SLTM: variants seen among roughly 807,000 people sequenced by gnomAD.
SLTM encodes SAFB-like transcription modulator.
Under a neutral mutation model 134.6 loss-of-function variants are expected in SLTM, and 43 were observed. The ratio of observed to expected loss-of-function variants is 0.32; its 90% CI spans 0.25 to 0.41. The LOEUF (loss-of-function observed/expected upper bound fraction) is 0.41, where lower values mean the gene tolerates loss of function less well. Among genes scored for constraint, SLTM ranks in the 10% least tolerant of loss-of-function variants. SLTM has a pLI of 1.00. For missense variants in SLTM, 1,055 were observed against 1,288.8 expected, an observed-to-expected ratio of 0.82 and a Z score of 2.78; for synonymous variants, 424 against 432.3, an observed-to-expected ratio of 0.98 and a Z score of 0.24.
chr15:58,907,546 A>T (rs1490109410), intron 5 of SLTM, among the ~76,000 whole-genome samples: 1 of 152,168 alleles, frequency 6.6e-6, no homozygotes, highest in Non-Finnish European at 1.5e-5. Context: ...ACTTGAGCCC[A>T]GGAGGTCAAG....
At chr15:58,898,985 G>C (rs767360641) in intron 7 of SLTM, 133 bp from the exon 8 acceptor site, 17 of 610,828 alleles carry the variant, frequency 2.8e-5, no homozygotes, top group Non-Finnish European at 3.9e-5. Flanking sequence ...GCCTAGATTA[G>C]GTTATTTGAA....
At chr15:58,896,494 G>A (rs2035088160) in intron 9 of SLTM, among the ~76,000 whole-genome samples, 1 of 152,050 alleles carries the variant, frequency 6.6e-6, no homozygotes, top group Non-Finnish European at 1.5e-5. Flanking sequence ...TTGGGAGGCA[G>A]AGGTCGCAGT....
At position 58,883,737 on chromosome 15, in the gene SLTM, C is replaced by G; in HGVS notation, c.2885G>C (p.Ser962Thr). ...HVVERHGRDT[S>T]GPRKEWHGPP... ...ACCATGCCACTCTTTCCTTGGTCCG[C>G]TTGTGTCCCGTCCATGGCGTTCAAC... The change falls in exon 20 of 21, where the codon AGC (serine) becomes ACC (threonine). Residue 962 changes from serine to threonine, a missense_variant. This residue lies in a region of SLTM where 776 missense variants were observed against 962.2 expected (regional missense o/e 0.81). Coordinates refer to ENST00000380516, the MANE Select transcript of SLTM (RefSeq NM_024755.4). 1 of 1,614,140 alleles carries G rather than the reference C, an allele frequency of 6.2e-7. No homozygotes were observed. Among genetic ancestry groups the G allele is most frequent in the Non-Finnish European group, 8.5e-7 (1 of 1,180,026 alleles).
intron 14 of SLTM, among the ~76,000 whole-genome samples, chr15:58,891,806 A>G (rs1008304319): frequency 3.9e-5 from 6 of 152,128 alleles, no homozygotes; most frequent in Non-Finnish European, 8.8e-5. Context: ...TTGTTAGTAT[A>G]GCTTAAGTAT....
At chr15:58,904,837 A>C (rs2035759011) in intron 5 of SLTM, among the ~76,000 whole-genome samples, 1 of 152,116 alleles carries the variant, frequency 6.6e-6, no homozygotes, top group African/African-American at 2.4e-5. Context: ...CAGCCTCCCA[A>C]GTAGCTGGGA....
At chr15:58,882,455 C>G (rs1003909375) in intron 20 of SLTM, among the ~76,000 whole-genome samples, 2 of 152,124 alleles carry the variant, frequency 1.3e-5, no homozygotes, top group Non-Finnish European at 2.9e-5. Flanking sequence ...CGGGAAGGAG[C>G]CTGCAAAGGC....
chr15:58,929,675 C>T (rs1194401713), intron 2 of SLTM, among the ~76,000 whole-genome samples: 6 of 152,138 alleles, frequency 3.9e-5, no homozygotes, highest in Non-Finnish European at 8.8e-5. Context: ...ATCCTCCCAC[C>T]TTGGCCTTTT....
intron 15 of SLTM, 78 bp from the exon 16 acceptor site, chr15:58,889,632 A>G (rs2080343256): frequency 6.4e-7 from 1 of 1,560,236 alleles, no homozygotes; most frequent in African/African-American, 1.4e-5. Flanking sequence ...CCTTGTTTTA[A>G]TCCTGTTGCT....
intron 19 of SLTM, among the ~76,000 whole-genome samples, chr15:58,885,313 A>G (rs1021785043): frequency 6.6e-6 from 1 of 152,234 alleles, no homozygotes; most frequent in Non-Finnish European, 1.5e-5. Flanking sequence ...AGAGGCTTAG[A>G]TATAATACTG....
At chr15:58,901,173 A>G in intron 6 of SLTM, 87 bp downstream of exon 6, 3 of 1,015,524 alleles carry the variant, frequency 3.0e-6, no homozygotes, top group Non-Finnish European at 4.5e-6. Context: ...TAATTTCAAA[A>G]ATAAGATTTC....
rs752664945 is a variant in SLTM, at chr15:58,897,210, TACC to T, written c.1129_1131del (p.Gly377del). The stretch of plus-strand genomic sequence containing the variant: ...ATATTTTTAGTTGAGCTTCCACTGC[TACC>T]ACTAGTACTACTTGTACTTCCTAGA... On this transcript the variant is annotated inframe_deletion, in exon 9 of 21. Transcript: ENST00000380516. 3 of 1,603,166 alleles carry T rather than the reference TACC, an allele frequency of 1.9e-6. No homozygotes were observed.
chr15:58,915,686 A>G (rs1367564542), intron 3 of SLTM, among the ~76,000 whole-genome samples: 1 of 151,972 alleles, frequency 6.6e-6, no homozygotes, highest in Non-Finnish European at 1.5e-5. Context: ...TCAACAAAAC[A>G]TCTTTTGGGG....
At chr15:58,923,769 C>A (rs1438419053) in intron 2 of SLTM, among the ~76,000 whole-genome samples, 2 of 142,580 alleles carry the variant, frequency 1.4e-5, no homozygotes, top group African/African-American at 2.5e-5. Flanking sequence ...AAGGAACTAA[C>A]TGAAAGTGTA....
chr15:58,897,019 T>C (rs1258602607), intron 9 of SLTM, 96 bp downstream of exon 9: 2 of 753,636 alleles, frequency 2.7e-6, no homozygotes, highest in Non-Finnish European at 4.6e-6. Context: ...AGAGATACAA[T>C]AAATTAGAAG....
chr15:58,887,764 C>T lies in SLTM; in HGVS notation c.2376-224G>A, dbSNP rs575513607. On this transcript the variant is annotated intron_variant, in intron 17 of 20. Transcript: ENST00000380516. ...TTTTAGCATTCAGGAGAAATGATACCGAACACTCAAAAGTCACTACCAAGC... is the reference window on the plus strand; with the variant it reads ...TTTTAGCATTCAGGAGAAATGATACTGAACACTCAAAAGTCACTACCAAGC... 63 of 276,104 alleles carry T rather than the reference C, an allele frequency of 2.3e-4. No individual in the cohort carries two copies. In the South Asian group the frequency reaches 5.7e-3, roughly 25 times the overall value. The allele number at this position is 276,104 out of a possible 1,614,324, so 17.1% of individuals were successfully genotyped here. A position where few individuals can be genotyped will look rare whatever the true frequency, so the allele number is the denominator to read the frequency against.
At chr15:58,901,314 A>G in intron 5 of SLTM, 27 bp from the exon 6 acceptor site, 1 of 1,582,454 alleles carries the variant, frequency 6.3e-7, no homozygotes, top group Admixed American at 1.8e-5. Flanking sequence ...AATCAAATGT[A>G]AAATGAATTC....
intron 3 of SLTM, 95 bp downstream of exon 3, chr15:58,916,840 C>A: frequency 1.0e-6 from 1 of 974,476 alleles, no homozygotes; most frequent in Non-Finnish European, 1.6e-6. Context: ...AACCTACATA[C>A]TTCAGTGACC....
chr15:58,913,203 T>C (rs2036404763), intron 4 of SLTM, among the ~76,000 whole-genome samples: 1 of 152,150 alleles, frequency 6.6e-6, no homozygotes, highest in South Asian at 2.1e-4. Context: ...GTCTATTAGA[T>C]ATGTAGAAAG....
At position 58,899,365 on chromosome 15, in the gene SLTM, A is replaced by T; in HGVS notation, c.1058+104T>A. On this transcript the variant is annotated intron_variant, in intron 7 of 20. Transcript: ENST00000380516. The surrounding 1 kb of genome is among the most constrained non-coding windows in gnomAD (Gnocchi z 5.0). Reference sequence around the variant, plus strand: ...AAAATATTATAGGCAGGATCATAAGACACTAATTACTGTACATGTTCTTGA... The same window carrying T: ...AAAATATTATAGGCAGGATCATAAGTCACTAATTACTGTACATGTTCTTGA... 1.1e-6 allele frequency: 1 copy of T among 879,226 alleles called. No individual in the cohort carries two copies. The highest frequency in any genetic ancestry group is 1.8e-6 in the Non-Finnish European group (1 of 559,490). 54.5% of individuals were successfully genotyped at this position (879,226 alleles called of 1,614,324 possible).
Sources: allele counts gnomAD v4.1 joint callset (sites outside exome capture counted in the v4.1 genomes callset), GRCh38; gene constraint gnomAD v4.1.1; regional missense constraint gnomAD v4.1.1; non-coding constraint Gnocchi (gnomAD v3.1); transcripts MANE v1.5; gene names NCBI Gene and HGNC (gene_info 2026-07-23, HGNC 2026-07-21).